The following CTLA4 variants were observed in gnomAD, a reference collection of about 807,000 sequenced individuals.
CTLA4 encodes cytotoxic T-lymphocyte protein 4.
Under a neutral mutation model 20.4 loss-of-function variants are expected in CTLA4, and 3 were observed. The ratio of observed to expected loss-of-function variants is 0.15; its 90% CI spans 0.07 to 0.38. CTLA4 has a LOEUF of 0.38. CTLA4 is among the 10% of genes least tolerant of loss of function. The pLI is 1.00. For missense variants in CTLA4, 184 were observed against 276.8 expected, an observed-to-expected ratio of 0.66 and a Z score of 2.38; for synonymous variants, 100 against 105.2, an observed-to-expected ratio of 0.95 and a Z score of 0.30.
Position 203,873,539 on chromosome 2 carries a change from G to A in CTLA4, c.*727G>A, listed in dbSNP as rs1011360390. The stretch of plus-strand genomic sequence containing the variant: ...CACTAATACACCAGGTAGAACACAA[G>A]GTCATTTGCTAACTAGCTTGGAAAC... On this transcript the variant is annotated 3_prime_UTR_variant, in exon 4 of 4. Transcript: ENST00000648405. The A allele has an allele frequency of 9.2e-6, 2 of 218,518 alleles. No individual in the cohort carries two copies. The highest frequency in any genetic ancestry group is 2.3e-5 in the African/African-American group (1 of 44,112). The allele number at this position is 218,518 out of a possible 1,614,324, so 13.5% of individuals were successfully genotyped here.
chr2:203,869,223 C>T (rs1369365248), intron 1 of CTLA4, among the ~76,000 whole-genome samples: 1 of 152,112 alleles, frequency 6.6e-6, no homozygotes, highest in African/African-American at 2.4e-5. Flanking sequence ...AGTTCATGAA[C>T]CACAAGTAAA....
Position 203,870,945 on chromosome 2 carries a change from C to T in CTLA4, c.457+12C>T, listed in dbSNP as rs368427057. On this transcript the variant is annotated intron_variant, in intron 2 of 3. Coordinates refer to ENST00000648405, the MANE Select transcript of CTLA4 (RefSeq NM_005214.5). The surrounding 1 kb of genome is among the most constrained non-coding windows in gnomAD (Gnocchi z 5.3). ...GATTTATGTAATTGGTGAGCAAAGC[C>T]ATTTCACTGAGTTGACACCTGTTGC... 1.4e-4 allele frequency: 226 copies of T among 1,603,230 alleles called. No individual in the cohort carries two copies. Among genetic ancestry groups the T allele is most frequent in the Non-Finnish European group, 1.8e-4 (213 of 1,171,518 alleles).
chr2:203,872,845 A>G lies in CTLA4; in HGVS notation c.*33A>G, dbSNP rs1336195505. 1 of 1,374,860 alleles carries G rather than the reference A, an allele frequency of 7.3e-7. No homozygotes were observed. The highest frequency in any genetic ancestry group is 1.0e-6 in the Non-Finnish European group (1 of 965,278). 85.2% of individuals were successfully genotyped at this position (1,374,860 alleles called of 1,614,324 possible). A position where few individuals can be genotyped will look rare whatever the true frequency, so the allele number is the denominator to read the frequency against. On this transcript the variant is annotated 3_prime_UTR_variant, in exon 4 of 4. Coordinates refer to ENST00000648405, the MANE Select transcript of CTLA4 (RefSeq NM_005214.5). ...TTATGAAGAAGAGAGTCCATATTTC[A>G]ATTTCCAAGAGCTGAGGCAATTCTA... is the stretch of plus-strand genomic sequence containing the variant.
At position 203,870,430 on chromosome 2, in the gene CTLA4, G is replaced by A; in HGVS notation, c.110-156G>A. ...GAAAACAGTTGAGAGATGGAGGGGA[G>A]GCTGGGGGTGTGGAGAGGGGAAGGG... On this transcript the variant is annotated intron_variant, in intron 1 of 3. Transcript: ENST00000648405. This position sits in a 1 kb window ranked among gnomAD's most constrained non-coding sequence, Gnocchi z 5.3. 1 of 660,814 alleles carries A rather than the reference G, an allele frequency of 1.5e-6. No individual in the cohort carries two copies. Among genetic ancestry groups the A allele is most frequent in the South Asian group, 1.9e-5 (1 of 51,588 alleles). 40.9% of individuals were successfully genotyped at this position (660,814 alleles called of 1,614,324 possible). A position where few individuals can be genotyped will look rare whatever the true frequency, so the allele number is the denominator to read the frequency against.
At chr2:203,868,153 A>C (rs1239814964) in intron 1 of CTLA4, 102 bp downstream of exon 1, 3 of 891,146 alleles carry the variant, frequency 3.4e-6, no homozygotes, top group Non-Finnish European at 5.4e-6. Context: ...CAAAGCCAGA[A>C]GTTAAAGGTA....
At chr2:203,869,815 A>C (rs1482030283) in intron 1 of CTLA4, among the ~76,000 whole-genome samples, 1 of 152,198 alleles carries the variant, frequency 6.6e-6, no homozygotes, top group African/African-American at 2.4e-5. Context: ...AAGAGAACAA[A>C]GGAGCATGGG....
In CTLA4 at chr2:203,873,310, G is replaced by T. The variant is rs1688767143; in HGVS notation, c.*498G>T. 1.3e-5 allele frequency: 3 copies of T among 239,648 alleles called. No individual in the cohort carries two copies. Among genetic ancestry groups the T allele is most frequent in the East Asian group, 5.7e-5 (1 of 17,622 alleles). The allele number at this position is 239,648 out of a possible 1,614,324, so 14.8% of individuals were successfully genotyped here. A position where few individuals can be genotyped will look rare whatever the true frequency, so the allele number is the denominator to read the frequency against. ...TATGTTTTAGCCAGTGATGCTAAAG[G>T]TTGTATTGCATATATACATATATAT... On this transcript the variant is annotated 3_prime_UTR_variant, in exon 4 of 4. Transcript: ENST00000648405.
At chr2:203,871,357 C>T in intron 2 of CTLA4, 21 bp from the exon 3 acceptor site, 1 of 1,600,510 alleles carries the variant, frequency 6.2e-7, no homozygotes, top group African/African-American at 1.3e-5. Flanking sequence ...CAGGGAGGCT[C>T]TGCTTTGTTT....
chr2:203,872,722 C>T lies in CTLA4; in HGVS notation c.582C>T (p.Ser194=), dbSNP rs745310078. Reference sequence around the variant, plus strand: ...GTGTTTGACAGCTAAAGAAAAGAAGCCCTCTTACAACAGGGGTCTATGTGA... The same window carrying T: ...GTGTTTGACAGCTAAAGAAAAGAAGTCCTCTTACAACAGGGGTCTATGTGA... ...VSLSKMLKKR[S]PLTTGVYVKM... The change falls in exon 4 of 4, where the codon AGC becomes AGT. Residue 194 remains serine, a synonymous_variant. Transcript: ENST00000648405. The T allele has an allele frequency of 1.9e-6, 3 of 1,609,002 alleles. No individual in the cohort carries two copies. Among genetic ancestry groups the T allele is most frequent in the Non-Finnish European group, 8.5e-7 (1 of 1,175,542 alleles).
rs866679318 is a variant in CTLA4, at chr2:203,870,695, G to T, written c.219G>T (p.Val73=). The change falls in exon 2 of 4, where the codon GTG becomes GTT. Residue 73 remains valine, a synonymous_variant. Transcript: ENST00000648405. The surrounding 1 kb of genome is among the most constrained non-coding windows in gnomAD (Gnocchi z 5.3). The part of the protein sequence containing the change: ...PGKATEVRVT[V]LRQADSQVTE... ...AAGCCACTGAGGTCCGGGTGACAGT[G>T]CTTCGGCAGGCTGACAGCCAGGTGA... The T allele has an allele frequency of 6.2e-7, 1 of 1,614,236 alleles. No homozygotes were observed. The highest frequency in any genetic ancestry group is 1.6e-4 in the Middle Eastern group (1 of 6,062).
intron 1 of CTLA4, among the ~76,000 whole-genome samples, chr2:203,868,336 C>T (rs1688666612): frequency 6.6e-6 from 1 of 152,096 alleles, no homozygotes; most frequent in South Asian, 2.1e-4. Flanking sequence ...TCAGACCCTT[C>T]TATGAGACTG....
At chr2:203,868,379 T>A (rs1688667812) in intron 1 of CTLA4, among the ~76,000 whole-genome samples, 1 of 152,184 alleles carries the variant, frequency 6.6e-6, no homozygotes, top group South Asian at 2.1e-4. Flanking sequence ...ATAGCCATAG[T>A]CCTGAATACA....
Position 203,870,514 on chromosome 2 carries a change from A to G in CTLA4, c.110-72A>G. 1 of 1,540,684 alleles carries G rather than the reference A, an allele frequency of 6.5e-7. No homozygotes were observed. The highest frequency in any genetic ancestry group is 1.4e-5 in the African/African-American group (1 of 73,758). On this transcript the variant is annotated intron_variant, in intron 1 of 3. Coordinates refer to ENST00000648405, the MANE Select transcript of CTLA4 (RefSeq NM_005214.5). This position sits in a 1 kb window ranked among gnomAD's most constrained non-coding sequence, Gnocchi z 5.3. ...GGCCGTGGGGATGAAGCTAGAAGGC[A>G]GAAGGGCTTGCCTGGGCTTGGCCAT...
chr2:203,869,485 A>G lies in CTLA4; in HGVS notation c.110-1101A>G, dbSNP rs531963406. ...TGCAAGTGGCTTGGTGGAAGGGACT[A>G]GTGTCTCTAATATAGGGTGATTTAT... On this transcript the variant is annotated intron_variant, in intron 1 of 3. Coordinates refer to ENST00000648405, the MANE Select transcript of CTLA4 (RefSeq NM_005214.5). Among the ~76,000 whole-genome samples, 3 of 152,314 alleles carry G rather than the reference A, an allele frequency of 2.0e-5. No homozygotes were observed. In the East Asian group the frequency reaches 5.8e-4, roughly 29 times the overall value.
At position 203,873,319 on chromosome 2, in the gene CTLA4, C is replaced by CATATATACATAT; in HGVS notation, c.*515_*526dup. On this transcript the variant is annotated 3_prime_UTR_variant, in exon 4 of 4. Coordinates refer to ENST00000648405, the MANE Select transcript of CTLA4 (RefSeq NM_005214.5). ...GCCAGTGATGCTAAAGGTTGTATTGCATATATACATATATATATATATATA... is the reference window on the plus strand; with the variant it reads ...GCCAGTGATGCTAAAGGTTGTATTGCATATATACATATATATATACATATATATATATATATA... 4.8e-6 allele frequency: 1 copy of CATATATACATAT among 207,786 alleles called. No homozygotes were observed. The highest frequency in any genetic ancestry group is 8.1e-6 in the Non-Finnish European group (1 of 122,836). 12.9% of individuals were successfully genotyped at this position (207,786 alleles called of 1,614,324 possible).
intron 1 of CTLA4, among the ~76,000 whole-genome samples, chr2:203,869,562 G>C (rs999604923): frequency 1.3e-5 from 2 of 152,216 alleles, no homozygotes; most frequent in Non-Finnish European, 2.9e-5. Context: ...GATTGGAATT[G>C]GATCATGGGG....
In CTLA4 at chr2:203,870,699, C is replaced by T. The variant is rs1688714312; in HGVS notation, c.223C>T (p.Arg75Trp). 1.2e-6 allele frequency: 2 copies of T among 1,614,188 alleles called. No homozygotes were observed. The highest frequency in any genetic ancestry group is 1.7e-5 in the Admixed American group (1 of 60,028). ...CACTGAGGTCCGGGTGACAGTGCTT[C>T]GGCAGGCTGACAGCCAGGTGACTGA... ...KATEVRVTVL[R>W]QADSQVTEVC... Residue 75 changes from arginine to tryptophan, a missense_variant, in exon 2 of 4, where the codon CGG becomes TGG. This residue lies in a region of CTLA4 where 147 missense variants were observed against 223.4 expected (regional missense o/e 0.66). Transcript: ENST00000648405. The surrounding 1 kb of genome is among the most constrained non-coding windows in gnomAD (Gnocchi z 5.3).
At position 203,872,854 on chromosome 2, in the gene CTLA4, G is replaced by C; in HGVS notation, c.*42G>C. The C allele has an allele frequency of 7.7e-7, 1 of 1,301,496 alleles. No homozygotes were observed. The highest frequency in any genetic ancestry group is 1.1e-6 in the Non-Finnish European group (1 of 900,606). 80.6% of individuals were successfully genotyped at this position (1,301,496 alleles called of 1,614,324 possible). On this transcript the variant is annotated 3_prime_UTR_variant, in exon 4 of 4. Transcript: ENST00000648405. ...AGAGAGTCCATATTTCAATTTCCAA[G>C]AGCTGAGGCAATTCTAACTTTTTTG...
At position 203,871,417 on chromosome 2, in the gene CTLA4, T is replaced by C; in HGVS notation, c.497T>C (p.Ile166Thr). ...CCAGATTCTGACTTCCTCCTCTGGATCCTTGCAGCAGTTAGTTCGGGGTTG... is the reference window on the plus strand; with the variant it reads ...CCAGATTCTGACTTCCTCCTCTGGACCCTTGCAGCAGTTAGTTCGGGGTTG... ...PCPDSDFLLWILAAVSSGLFF... is the reference protein window; with the variant it reads ...PCPDSDFLLWTLAAVSSGLFF... Residue 166 changes from isoleucine (I) to threonine (T), a missense_variant, in exon 3 of 4, where the codon ATC becomes ACC. Ile to Thr is a moderately conservative substitution (Grantham distance 89). This residue lies in a region of CTLA4 where 147 missense variants were observed against 223.4 expected (regional missense o/e 0.66). Coordinates refer to ENST00000648405, the MANE Select transcript of CTLA4 (RefSeq NM_005214.5). 1 of 1,614,230 alleles carries C rather than the reference T, an allele frequency of 6.2e-7. No homozygotes were observed. The highest frequency in any genetic ancestry group is 8.5e-7 in the Non-Finnish European group (1 of 1,180,044).
Sources: allele counts gnomAD v4.1 joint callset (sites outside exome capture counted in the v4.1 genomes callset), GRCh38; gene constraint gnomAD v4.1.1; regional missense constraint gnomAD v4.1.1; non-coding constraint Gnocchi (gnomAD v3.1); transcripts MANE v1.5; gene names NCBI Gene and HGNC (gene_info 2026-07-23, HGNC 2026-07-21).